The following THSD7B variants were observed in gnomAD, a reference collection of about 807,000 sequenced individuals.
The protein encoded by THSD7B is thrombospondin type-1 domain-containing protein 7B.
Under a neutral mutation model 213.6 loss-of-function variants are expected in THSD7B, and 138 were observed. The ratio of observed to expected loss-of-function variants is 0.65; its 90% confidence interval spans 0.56 to 0.74. THSD7B has a LOEUF of 0.74. THSD7B is among the 30% of genes least tolerant of loss of function. The pLI, the probability that THSD7B is intolerant of heterozygous loss-of-function variation, is 0.00. For synonymous variants in THSD7B, 742 were observed against 687.0 expected, an observed-to-expected ratio of 1.08 and a Z score of -1.25; for missense variants, 1,931 against 1,991.5, an observed-to-expected ratio of 0.97 and a Z score of 0.58.
In THSD7B at chr2:137,366,971, C is replaced by T. The variant is rs572562730; in HGVS notation, c.2501-38642C>T. Among the ~76,000 whole-genome samples the T allele has an allele frequency of 1.2e-4, 19 of 152,078 alleles. No individual in the cohort carries two copies. The South Asian group carries it at 1.4e-3, about 12-fold the overall frequency. Reference sequence around the variant, plus strand: ...ATATAGTACAAGGATGTTTGTTTTCCGTATTTACTTCCAAAGTGATGATAT... The same window carrying T: ...ATATAGTACAAGGATGTTTGTTTTCTGTATTTACTTCCAAAGTGATGATAT... On this transcript the variant is annotated intron_variant, in intron 12 of 27. Transcript: ENST00000409968.
chr2:137,403,849 C>T (rs147354487), intron 12 of THSD7B, among the ~76,000 whole-genome samples: 1 of 152,244 alleles, frequency 6.6e-6, no homozygotes, highest in African/African-American at 2.4e-5. Context: ...GGGGTGGATG[C>T]TACTGGCATC....
At chr2:137,545,473 T>C (rs769692108) in intron 15 of THSD7B, among the ~76,000 whole-genome samples, 37 of 151,918 alleles carry the variant, frequency 2.4e-4, no homozygotes, top group Non-Finnish European at 4.4e-4. Flanking sequence ...TCACCCATCA[T>C]TGAAATGAAG....
At chr2:137,469,197 A>C (rs1573643384) in intron 15 of THSD7B, among the ~76,000 whole-genome samples, 1 of 152,204 alleles carries the variant, frequency 6.6e-6, no homozygotes, top group Non-Finnish European at 1.5e-5. Flanking sequence ...TCAAACCAGA[A>C]AGGTAATTGA....
intron 2 of THSD7B, among the ~76,000 whole-genome samples, chr2:136,972,871 TG>T (rs145021007): frequency 0.011 from 1,646 of 152,178 alleles, 29 homozygotes; most frequent in African/African-American, 0.038. Flanking sequence ...TACACAGACA[TG>T]GGTAGTTTTA....
chr2:136,996,110 G>A (rs2104820193), intron 2 of THSD7B, among the ~76,000 whole-genome samples: 1 of 152,236 alleles, frequency 6.6e-6, no homozygotes, highest in East Asian at 1.9e-4. Flanking sequence ...TGATTTTTAT[G>A]TCTTAATCCT....
intron 2 of THSD7B, among the ~76,000 whole-genome samples, chr2:136,981,552 T>C (rs1192854811): frequency 1.3e-5 from 2 of 152,212 alleles, no homozygotes; most frequent in Non-Finnish European, 2.9e-5. Flanking sequence ...TGAGGTGCTC[T>C]TAGACATGGA....
At chr2:137,662,755 C>T (rs185793672) in intron 25 of THSD7B, among the ~76,000 whole-genome samples, 2 of 152,136 alleles carry the variant, frequency 1.3e-5, no homozygotes, top group East Asian at 3.9e-4. Flanking sequence ...TAAACATCTC[C>T]ATAAGAGAGG....
chr2:137,138,625 T>C (rs1339696238), intron 5 of THSD7B, among the ~76,000 whole-genome samples: 1 of 152,094 alleles, frequency 6.6e-6, no homozygotes, highest in Non-Finnish European at 1.5e-5. Flanking sequence ...ATTGGGTGGG[T>C]TTATCATTCT....
At chr2:137,165,873 G>T (rs112277555) in intron 6 of THSD7B, among the ~76,000 whole-genome samples, 2,013 of 152,000 alleles carry the variant, frequency 0.013, 35 homozygotes, top group African/African-American at 0.046. Context: ...GTGGAGAGTA[G>T]GAGAGAATAT....
At chr2:137,627,776 C>A (rs1433073302) in intron 20 of THSD7B, among the ~76,000 whole-genome samples, 1 of 152,132 alleles carries the variant, frequency 6.6e-6, no homozygotes, top group Non-Finnish European at 1.5e-5. Flanking sequence ...ATGGGAATTG[C>A]AATGTCCAAC....
intron 5 of THSD7B, among the ~76,000 whole-genome samples, chr2:137,154,455 A>T (rs1679875195): frequency 6.6e-6 from 1 of 152,174 alleles, no homozygotes; most frequent in South Asian, 2.1e-4. Context: ...ACTTTAAGCA[A>T]ATATAACTTC....
intron 12 of THSD7B, among the ~76,000 whole-genome samples, chr2:137,342,409 A>G (rs1355658051): frequency 6.7e-6 from 1 of 149,346 alleles, no homozygotes; most frequent in Non-Finnish European, 1.5e-5. Flanking sequence ...TTTTTTTGGT[A>G]TATTTTGTAG....
chr2:137,494,905 T>A (rs986672712), intron 15 of THSD7B, among the ~76,000 whole-genome samples: 1 of 152,166 alleles, frequency 6.6e-6, no homozygotes, highest in Non-Finnish European at 1.5e-5. Context: ...CCTCTGTAAC[T>A]CCTACACATG....
At chr2:136,815,124 GTTTACAAT>G (rs1275414787) in intron 1 of THSD7B, among the ~76,000 whole-genome samples, 1 of 152,188 alleles carries the variant, frequency 6.6e-6, no homozygotes, top group Non-Finnish European at 1.5e-5. Flanking sequence ...CTATCTGGCT[GTTTACAAT>G]AAGTTTGCCG....
chr2:137,464,743 A>T (rs6719522), intron 15 of THSD7B, among the ~76,000 whole-genome samples: 82,291 of 151,864 alleles, frequency 0.54, 25,231 homozygotes, highest in East Asian at 0.79. Flanking sequence ...TTGACTGTTT[A>T]AAAAATTATT....
At chr2:137,125,328 A>G (rs913219681) in intron 5 of THSD7B, among the ~76,000 whole-genome samples, 1 of 152,222 alleles carries the variant, frequency 6.6e-6, no homozygotes, top group Non-Finnish European at 1.5e-5. Flanking sequence ...AACTAAGTTT[A>G]TGTGATATTC....
intron 15 of THSD7B, among the ~76,000 whole-genome samples, chr2:137,467,041 C>G (rs569182007): frequency 6.6e-6 from 1 of 152,236 alleles, no homozygotes; most frequent in South Asian, 2.1e-4. Context: ...CCAGCTCCCC[C>G]AGAAGCCTTT....
At chr2:137,034,278 G>C (rs376546463) in intron 2 of THSD7B, among the ~76,000 whole-genome samples, 1 of 152,006 alleles carries the variant, frequency 6.6e-6, no homozygotes, top group Non-Finnish European at 1.5e-5. Context: ...GCTAATTTTT[G>C]TATTTTTAGT....
chr2:137,109,679 G>A (rs149136979), intron 4 of THSD7B, among the ~76,000 whole-genome samples: 64 of 152,226 alleles, frequency 4.2e-4, no homozygotes, highest in African/African-American at 1.5e-3. Flanking sequence ...TAATGCTGCT[G>A]CTGATCTAAC....
Sources: allele counts gnomAD v4.1 joint callset (sites outside exome capture counted in the v4.1 genomes callset), GRCh38; gene constraint gnomAD v4.1.1; transcripts MANE v1.5; gene names NCBI Gene and HGNC (gene_info 2026-07-23, HGNC 2026-07-21).